The following FSTL5 variants were observed in gnomAD, a reference collection of about 807,000 sequenced individuals.
FSTL5 encodes the protein follistatin like 5.
A neutral mutation model predicts 89.1 loss-of-function variants in FSTL5; 62 were observed. The ratio of observed to expected loss-of-function variants is 0.70; its 90% CI spans 0.57 to 0.86. The LOEUF (loss-of-function observed/expected upper bound fraction) is 0.86, where lower values mean the gene tolerates loss of function less well. Ranked by LOEUF, FSTL5 falls within the 40% of genes least tolerant of loss-of-function variation. FSTL5 has a pLI of 0.00. For synonymous variants in FSTL5, 383 were observed against 346.2 expected, an observed-to-expected ratio of 1.11 and a Z score of -1.18; for missense variants, 1,057 against 1,001.6, an observed-to-expected ratio of 1.06 and a Z score of -0.75.
In FSTL5 at chr4:161,788,945, A is replaced by T. The variant is rs115801425; in HGVS notation, c.410-12871T>A. ...AAAAACAAAACAATGCCTGGATTTC[A>T]AAAGTTTCTGAGGAAACAGAAAAAC... On this transcript the variant is annotated intron_variant, in intron 4 of 15. Coordinates refer to ENST00000306100, the MANE Select transcript of FSTL5 (RefSeq NM_020116.5). 3.6e-3 allele frequency among the ~76,000 whole-genome samples: 550 copies of T among 152,296 alleles called. 2 individuals are homozygous for T. Among genetic ancestry groups the T allele is most frequent in the Middle Eastern group, 6.8e-3 (2 of 294 alleles).
At chr4:162,130,547 T>G (rs1386466871) in intron 1 of FSTL5, among the ~76,000 whole-genome samples, 1 of 152,190 alleles carries the variant, frequency 6.6e-6, no homozygotes, top group Admixed American at 6.5e-5. Flanking sequence ...ATTCCTAGTT[T>G]TTTGTGTTTA....
chr4:161,673,185 T>A (rs151173185), intron 6 of FSTL5, among the ~76,000 whole-genome samples: 1 of 152,202 alleles, frequency 6.6e-6, no homozygotes, highest in Non-Finnish European at 1.5e-5. Context: ...TATATTTATA[T>A]AAATTATAAT....
intron 10 of FSTL5, among the ~76,000 whole-genome samples, chr4:161,528,061 G>C (rs1311379742): frequency 2.0e-5 from 3 of 148,540 alleles, no homozygotes; most frequent in Non-Finnish European, 4.4e-5. Context: ...AACCAAACAC[G>C]GCATATTCTC....
intron 3 of FSTL5, among the ~76,000 whole-genome samples, chr4:161,937,104 A>C (rs1200478705): frequency 6.6e-6 from 1 of 152,152 alleles, no homozygotes; most frequent in Non-Finnish European, 1.5e-5. Context: ...AAACAGATTA[A>C]AACAATGTGA....
chr4:162,081,014 G>A (rs543915485), intron 2 of FSTL5, among the ~76,000 whole-genome samples: 1 of 151,670 alleles, frequency 6.6e-6, no homozygotes, highest in South Asian at 2.1e-4. Flanking sequence ...AATAATAATT[G>A]CAATTTCCAA....
At chr4:161,695,447 GTGTGTGTA>G (rs1387574563) in intron 6 of FSTL5, among the ~76,000 whole-genome samples, 44 of 134,718 alleles carry the variant, frequency 3.3e-4, no homozygotes, top group African/African-American at 1.0e-3. Context: ...GTGTGTGTGT[GTGTGTGTA>G]TATATATCAC....
At chr4:161,847,328 T>C (rs1321830518) in intron 4 of FSTL5, among the ~76,000 whole-genome samples, 1 of 152,198 alleles carries the variant, frequency 6.6e-6, no homozygotes, top group Non-Finnish European at 1.5e-5. Context: ...AAAAGCATTA[T>C]CTAAGCATTT....
chr4:162,023,235 C>T (rs184319608), intron 3 of FSTL5, among the ~76,000 whole-genome samples: 38 of 152,134 alleles, frequency 2.5e-4, no homozygotes, highest in African/African-American at 6.7e-4. Context: ...CAGGAAGAAA[C>T]GATTTTTTAA....
At chr4:161,521,220 A>G (rs1464760220) in intron 10 of FSTL5, among the ~76,000 whole-genome samples, 2 of 152,210 alleles carry the variant, frequency 1.3e-5, no homozygotes, top group Non-Finnish European at 2.9e-5. Context: ...ATCTTGCTAG[A>G]TGAATTAAGT....
At chr4:161,633,678 A>T (rs1249195332) in intron 7 of FSTL5, among the ~76,000 whole-genome samples, 1 of 152,100 alleles carries the variant, frequency 6.6e-6, no homozygotes, top group Admixed American at 6.6e-5. Flanking sequence ...AATTAAGAGT[A>T]TATCTTTCTA....
intron 8 of FSTL5, among the ~76,000 whole-genome samples, chr4:161,548,325 A>C (rs2126552753): frequency 6.6e-6 from 1 of 152,030 alleles, no homozygotes; most frequent in Non-Finnish European, 1.5e-5. Flanking sequence ...ACTGTTCAAT[A>C]ATGAAAACCA....
chr4:161,772,442 C>CAAAA (rs1472529036), intron 5 of FSTL5, among the ~76,000 whole-genome samples: 2 of 151,838 alleles, frequency 1.3e-5, no homozygotes, highest in African/African-American at 4.8e-5. Context: ...TGTATACCTA[C>CAAAA]AAAACTCTTA....
chr4:161,997,284 G>A (rs532345247), intron 3 of FSTL5, among the ~76,000 whole-genome samples: 167 of 152,050 alleles, frequency 1.1e-3, no homozygotes, highest in Non-Finnish European at 2.0e-3. Context: ...TTTCCTTATT[G>A]TTTTTCCAAT....
intron 10 of FSTL5, among the ~76,000 whole-genome samples, chr4:161,523,142 C>A (rs1373947107): frequency 2.6e-5 from 4 of 151,916 alleles, no homozygotes; most frequent in Non-Finnish European, 5.9e-5. Flanking sequence ...TATACAAAAG[C>A]AAAATAAAGC....
Position 161,799,831 on chromosome 4 carries a change from TAC to T in FSTL5, c.410-23759_410-23758del, listed in dbSNP as rs1187977951. ...GGGTTATGAAATCAGGCAGTTAAAC[TAC>T]AGTCTGTGTATTTAACCATAGGGCT... On this transcript the variant is annotated intron_variant, in intron 4 of 15. Transcript: ENST00000306100. Among the ~76,000 whole-genome samples, 10 of 151,798 alleles carry T rather than the reference TAC, an allele frequency of 6.6e-5. 1 individual carries two copies. The East Asian group carries it at 1.9e-3, about 29-fold the overall frequency.
chr4:162,066,208 T>C (rs570968627), intron 2 of FSTL5, among the ~76,000 whole-genome samples: 3 of 152,154 alleles, frequency 2.0e-5, no homozygotes, highest in South Asian at 4.1e-4. Flanking sequence ...TTTGTATGCT[T>C]GTTTGTCATC....
At chr4:162,154,812 G>GT (rs58611928) in intron 1 of FSTL5, among the ~76,000 whole-genome samples, 7,719 of 150,672 alleles carry the variant, frequency 0.051, 314 homozygotes, top group East Asian at 0.22. Context: ...AACTATGCAG[G>GT]TTTTTTTTTA....
At chr4:161,559,376 T>C (rs1264399834) in intron 8 of FSTL5, among the ~76,000 whole-genome samples, 1 of 151,816 alleles carries the variant, frequency 6.6e-6, no homozygotes, top group Non-Finnish European at 1.5e-5. Context: ...CTTCTATTTC[T>C]TCTCTCTTTC....
At chr4:161,789,145 C>A (rs981362774) in intron 4 of FSTL5, among the ~76,000 whole-genome samples, 2 of 151,948 alleles carry the variant, frequency 1.3e-5, no homozygotes, top group Non-Finnish European at 2.9e-5. Context: ...AAATATATAG[C>A]TTAGTAATAT....
Sources: allele counts gnomAD v4.1 joint callset (sites outside exome capture counted in the v4.1 genomes callset), GRCh38; gene constraint gnomAD v4.1.1; transcripts MANE v1.5; gene names NCBI Gene and HGNC (gene_info 2026-07-23, HGNC 2026-07-21).